The following PCGF5 variants were observed in gnomAD, a reference collection of about 807,000 sequenced individuals.
The protein encoded by PCGF5 is polycomb group ring finger 5.
In PCGF5, 9 loss-of-function variants were observed where a neutral mutation model predicts 44.3. That is an observed-to-expected ratio of 0.20 (90% confidence interval 0.12 to 0.35). PCGF5 has a LOEUF of 0.35. PCGF5 is among the 10% of genes least tolerant of loss of function. The pLI is 1.00. For synonymous variants in PCGF5, 95 were observed against 102.5 expected (o/e 0.93, Z 0.44); for missense variants, 146 against 305.3 (o/e 0.48, Z 3.89).
upstream of PCGF5, among the ~76,000 whole-genome samples, chr10:91,159,555 C>G (rs76318030): frequency 2.0e-5 from 3 of 152,292 alleles, no homozygotes; most frequent in South Asian, 6.2e-4. Flanking sequence ...CCTCAGCCAA[C>G]CCCTGACTGT....
intron 6 of PCGF5, among the ~76,000 whole-genome samples, chr10:91,255,693 T>C (rs1311887141): frequency 6.6e-6 from 1 of 152,090 alleles, no homozygotes; most frequent in Non-Finnish European, 1.5e-5. Flanking sequence ...GGAATCTGAT[T>C]TCCAGTATTG....
At chr10:91,225,049 C>T (rs1163090004) in intron 2 of PCGF5, among the ~76,000 whole-genome samples, 1 of 151,842 alleles carries the variant, frequency 6.6e-6, no homozygotes, top group Admixed American at 6.6e-5. Context: ...GCATTTCTAT[C>T]TATATGCTAC....
At position 91,258,290 on chromosome 10, in the gene PCGF5, A is replaced by G. The variant is rs143275367; in HGVS notation, c.475-3036A>G. Among the ~76,000 whole-genome samples the G allele has an allele frequency of 1.9e-3, 290 of 152,304 alleles. 3 individuals are homozygous for G. The highest frequency in any genetic ancestry group is 0.016 in the South Asian group (77 of 4,834). ...TGAAAGATTGTAAGTAGTGATACAAACATCATTTCTGGAGATTCTTCCTAA... is the reference window on the plus strand; with the variant it reads ...TGAAAGATTGTAAGTAGTGATACAAGCATCATTTCTGGAGATTCTTCCTAA... On this transcript the variant is annotated intron_variant, in intron 6 of 9. Transcript: ENST00000336126.
chr10:91,278,346 A>T lies in PCGF5; in HGVS notation c.*30A>T, dbSNP rs1378599093. The T allele has an allele frequency of 1.1e-5, 18 of 1,585,824 alleles. No homozygotes were observed. The highest frequency in any genetic ancestry group is 1.5e-5 in the Non-Finnish European group (17 of 1,154,334). On this transcript the variant is annotated 3_prime_UTR_variant, in exon 10 of 10. Transcript: ENST00000336126. ...AGGGGCCCAGACCTCACTGAGATGAATCCTGCACTATTTGTTTACTCGTCA... is the reference window on the plus strand; with the variant it reads ...AGGGGCCCAGACCTCACTGAGATGATTCCTGCACTATTTGTTTACTCGTCA...
At chr10:91,227,811 T>C (rs1844889756) in intron 2 of PCGF5, 2 of 988,690 alleles carry the variant, frequency 2.0e-6, no homozygotes, top group South Asian at 4.6e-5. Context: ...AACTGTTTGC[T>C]CTCCTTGAAA....
Position 91,260,170 on chromosome 10 carries a change from CAAAAG to C in PCGF5, c.475-1153_475-1149del, listed in dbSNP as rs374173276. Among the ~76,000 whole-genome samples, 4 of 152,120 alleles carry C rather than the reference CAAAAG, an allele frequency of 2.6e-5. No individual in the cohort carries two copies. In the East Asian group the frequency reaches 5.8e-4, roughly 22 times the overall value. ...GCAAAGGGTATGAACAGACACTTCT[CAAAAG>C]AAGACATATATGCAGCCAACAGACA... On this transcript the variant is annotated intron_variant, in intron 6 of 9. Coordinates refer to ENST00000336126, the MANE Select transcript of PCGF5 (RefSeq NM_032373.5).
intron 1 of PCGF5, among the ~76,000 whole-genome samples, chr10:91,185,835 G>A (rs772270664): frequency 3.3e-4 from 50 of 152,118 alleles, no homozygotes; most frequent in Non-Finnish European, 4.1e-4. Context: ...CCTTGACTCC[G>A]TGTGGCTCCC....
intron 7 of PCGF5, 62 bp from the exon 8 acceptor site, chr10:91,264,369 A>C (rs1032696406): frequency 3.4e-5 from 47 of 1,367,132 alleles, no homozygotes; most frequent in Non-Finnish European, 4.6e-5. Flanking sequence ...ATTTCAAAAA[A>C]TATGCAAAAT....
intron 1 of PCGF5, among the ~76,000 whole-genome samples, chr10:91,213,781 A>G (rs1844495878): frequency 6.6e-6 from 1 of 151,564 alleles, no homozygotes; most frequent in African/African-American, 2.4e-5. Flanking sequence ...CACCATGCCC[A>G]GCCACTTCAT....
At chr10:91,267,355 C>T (rs910717331) in intron 8 of PCGF5, among the ~76,000 whole-genome samples, 4 of 152,184 alleles carry the variant, frequency 2.6e-5, no homozygotes, top group African/African-American at 9.7e-5. Context: ...TTTCATACCA[C>T]CTCCGGCATA....
At position 91,281,019 on chromosome 10, in the gene PCGF5, A is replaced by G. The variant is rs190422800; in HGVS notation, c.*2703A>G. On this transcript the variant is annotated 3_prime_UTR_variant, in exon 10 of 10. Transcript: ENST00000336126. ...ATCTCTTTTATCTGCCTTAGAAATT[A>G]TAAGTATAAAAGGGTCAAGGGAACT... 236 of 152,646 alleles carry G rather than the reference A, an allele frequency of 1.5e-3. 1 individual carries two copies. Among genetic ancestry groups the G allele is most frequent in the African/African-American group, 5.6e-3 (231 of 41,578 alleles). The allele number at this position is 152,646 out of a possible 1,614,324, so 9.5% of individuals were successfully genotyped here.
chr10:91,241,398 C>G (rs1845322635), intron 3 of PCGF5, among the ~76,000 whole-genome samples: 1 of 151,986 alleles, frequency 6.6e-6, no homozygotes, highest in Non-Finnish European at 1.5e-5. Context: ...TGGAAGTGGT[C>G]TATGAGATTC....
intron 1 of PCGF5, among the ~76,000 whole-genome samples, chr10:91,196,383 G>A (rs1049978554): frequency 6.6e-6 from 1 of 152,196 alleles, no homozygotes. Flanking sequence ...CAAGAAACCT[G>A]TGCATGCACA....
At chr10:91,171,082 A>T (rs1222058813) in intron 1 of PCGF5, among the ~76,000 whole-genome samples, 1 of 152,208 alleles carries the variant, frequency 6.6e-6, no homozygotes, top group African/African-American at 2.4e-5. Flanking sequence ...CAAGGGTTAG[A>T]ATGGAGGAGG....
intron 3 of PCGF5, among the ~76,000 whole-genome samples, chr10:91,245,034 T>C (rs1292329236): frequency 6.6e-6 from 1 of 152,058 alleles, no homozygotes; most frequent in East Asian, 1.9e-4. Flanking sequence ...GTAAGCAGGA[T>C]GAGATCACTT....
chr10:91,274,776 G>A (rs975894463), intron 9 of PCGF5, among the ~76,000 whole-genome samples: 3 of 152,134 alleles, frequency 2.0e-5, no homozygotes, highest in Non-Finnish European at 4.4e-5. Context: ...TGAAGCCTGA[G>A]GCAACACACT....
In PCGF5 at chr10:91,174,912, G is replaced by A. The variant is rs150140069; in HGVS notation, c.-184+11831G>A. Reference sequence around the variant, plus strand: ...TATGAGAAGAGGCAACAGTAGAGAAGAGGCATCAGCAAATTTTTGGAAGAT... The same window carrying A: ...TATGAGAAGAGGCAACAGTAGAGAAAAGGCATCAGCAAATTTTTGGAAGAT... On this transcript the variant is annotated intron_variant, in intron 1 of 9. Transcript: ENST00000614189. 2.6e-5 allele frequency among the ~76,000 whole-genome samples: 4 copies of A among 152,334 alleles called. No homozygotes were observed. The East Asian group carries it at 7.7e-4, about 29-fold the overall frequency.
At chr10:91,166,339 C>T (rs748181411) in intron 1 of PCGF5, among the ~76,000 whole-genome samples, 4 of 152,152 alleles carry the variant, frequency 2.6e-5, no homozygotes, top group Non-Finnish European at 5.9e-5. Context: ...CATCTAGGGG[C>T]TCAACAAATG....
chr10:91,165,833 G>A (rs906472063), intron 1 of PCGF5, among the ~76,000 whole-genome samples: 4 of 152,102 alleles, frequency 2.6e-5, no homozygotes, highest in African/African-American at 7.2e-5. Context: ...GATAAACTTT[G>A]ATAAAGTTTA....
Sources: allele counts gnomAD v4.1 joint callset (sites outside exome capture counted in the v4.1 genomes callset), GRCh38; gene constraint gnomAD v4.1.1; transcripts MANE v1.5; gene names NCBI Gene and HGNC (gene_info 2026-07-23, HGNC 2026-07-21).